The following PIGN variants were observed in gnomAD, a reference collection of about 807,000 sequenced individuals.
The protein encoded by PIGN is phosphatidylinositol glycan anchor biosynthesis class N.
In PIGN, 117 loss-of-function variants were observed where a neutral mutation model predicts 125.4. That is an observed-to-expected ratio of 0.93 (90% CI 0.80 to 1.09). The LOEUF is 1.09. Ranked by LOEUF, PIGN falls within the 50% of genes least tolerant of loss-of-function variation. The probability of loss-of-function intolerance (pLI) is 0.00; values close to 1 mark genes in which losing one functional copy is unlikely to be tolerated. For missense variants in PIGN, 1,075 were observed against 1,094.9 expected, an observed-to-expected ratio of 0.98 and a Z score of 0.26; for synonymous variants, 392 against 377.8, an observed-to-expected ratio of 1.04 and a Z score of -0.44.
downstream of PIGN, among the ~76,000 whole-genome samples, chr18:62,039,117 A>G (rs1424690455): frequency 6.6e-6 from 1 of 152,012 alleles, no homozygotes; most frequent in East Asian, 1.9e-4. Context: ...CACCCCTTCA[A>G]TCCTCTGCTT....
chr18:62,153,974 C>T (rs564535865), intron 7 of PIGN: 2 of 152,126 alleles, frequency 1.3e-5, no homozygotes, highest in South Asian at 4.1e-4. Context: ...TTTTCACACA[C>T]TTTTTGAGAA....
chr18:62,140,771 G>A lies in PIGN; in HGVS notation c.964-292C>T, dbSNP rs952415912. Among the ~76,000 whole-genome samples, 10 of 152,212 alleles carry A rather than the reference G, an allele frequency of 6.6e-5. 1 individual carries two copies. Among genetic ancestry groups the A allele is most frequent in the East Asian group, 5.8e-4 (3 of 5,184 alleles). On this transcript the variant is annotated intron_variant, in intron 11 of 30. Transcript: ENST00000640252. ...AAGAATTTGACCATTTTATGTAACAGTTTTTCAGTATTATACAAAGGATGC... is the reference window on the plus strand; with the variant it reads ...AAGAATTTGACCATTTTATGTAACAATTTTTCAGTATTATACAAAGGATGC...
intron 26 of PIGN, 31 bp downstream of exon 26, chr18:62,085,176 TTA>T (rs755317812): frequency 4.0e-5 from 48 of 1,193,802 alleles, no homozygotes; most frequent in Non-Finnish European, 5.2e-5. Flanking sequence ...TATTTTTTAG[TTA>T]TATATATATG....
chr18:62,093,265 C>T (rs1482406249), intron 23 of PIGN, among the ~76,000 whole-genome samples: 2 of 152,036 alleles, frequency 1.3e-5, no homozygotes, highest in African/African-American at 4.8e-5. Flanking sequence ...AAAAACTATA[C>T]ATTATGATCA....
At position 62,157,127 on chromosome 18, in the gene PIGN, A is replaced by G; in HGVS notation, c.442+2T>C. 1 of 1,546,376 alleles carries G rather than the reference A, an allele frequency of 6.5e-7. No homozygotes were observed. Among genetic ancestry groups the G allele is most frequent in the East Asian group, 2.3e-5 (1 of 44,314 alleles). ...TGAGGAAACATAATCAGTGACTCTTACCTTTGGCAAACATAGGCAGGATAT... is the reference window on the plus strand; with the variant it reads ...TGAGGAAACATAATCAGTGACTCTTGCCTTTGGCAAACATAGGCAGGATAT... On this transcript the variant is annotated splice_donor_variant, in intron 6 of 30. Transcript: ENST00000640252. LOFTEE classifies it high-confidence loss of function.
intron 1 of PIGN, among the ~76,000 whole-genome samples, chr18:62,181,021 T>G (rs2037698674): frequency 6.6e-6 from 1 of 152,164 alleles, no homozygotes; most frequent in Admixed American, 6.5e-5. Flanking sequence ...ACAAAAATAA[T>G]TATTTGTATA....
chr18:62,133,691 G>A (rs990084177), intron 14 of PIGN, among the ~76,000 whole-genome samples: 1 of 151,546 alleles, frequency 6.6e-6, no homozygotes, highest in African/African-American at 2.4e-5. Flanking sequence ...TTTATTGCTG[G>A]GTATTTTATT....
intron 30 of PIGN, among the ~76,000 whole-genome samples, chr18:62,056,251 T>G (rs17062576): frequency 0.022 from 3,360 of 151,692 alleles, 105 homozygotes; most frequent in African/African-American, 0.057. Flanking sequence ...TTAAATGTAA[T>G]ACGGGCATTA....
intron 14 of PIGN, chr18:62,138,007 A>T: frequency 2.0e-6 from 1 of 492,744 alleles, no homozygotes; most frequent in African/African-American, 2.0e-5. Context: ...TCACCTGCTT[A>T]ATATTTCTCA....
At chr18:62,085,407 A>G in intron 25 of PIGN, 143 bp from the exon 26 acceptor site, 1 of 654,944 alleles carries the variant, frequency 1.5e-6, no homozygotes, top group Non-Finnish European at 2.7e-6. Context: ...ACATTCCATT[A>G]TAACTCCTTG....
chr18:62,126,882 T>C (rs1389039124), intron 14 of PIGN, among the ~76,000 whole-genome samples: 1 of 152,194 alleles, frequency 6.6e-6, no homozygotes, highest in African/African-American at 2.4e-5. Context: ...TAGTAAATCA[T>C]AATATATGTC....
At position 62,138,303 on chromosome 18, in the gene PIGN, G is replaced by A. The variant is rs747229315; in HGVS notation, c.1117-5C>T. On this transcript the variant is annotated splice_polypyrimidine_tract_variant and splice_region_variant and intron_variant, in intron 13 of 30. Transcript: ENST00000640252. ...TTTCTTCTGAGTCATTTTCACCTGG[G>A]AACCAAGTATGAAAATATTACAAAT... 52 of 1,536,014 alleles carry A rather than the reference G, an allele frequency of 3.4e-5. No homozygotes were observed. In the Admixed American group the frequency reaches 1.0e-3, roughly 30 times the overall value.
intron 30 of PIGN, 112 bp from the exon 31 acceptor site, chr18:62,046,091 T>C (rs958817908): frequency 2.7e-6 from 3 of 1,091,122 alleles, no homozygotes; most frequent in Non-Finnish European, 3.9e-6. Context: ...TTTCAGGAGC[T>C]GGAGTGGGTG....
At chr18:62,066,883 T>C (rs189757463) in intron 30 of PIGN, among the ~76,000 whole-genome samples, 3 of 152,354 alleles carry the variant, frequency 2.0e-5, no homozygotes, top group Admixed American at 6.5e-5. Context: ...AATGAAAATA[T>C]AATCTCCCTC....
chr18:62,124,451 G>A (rs961027998), intron 14 of PIGN, among the ~76,000 whole-genome samples: 8 of 152,148 alleles, frequency 5.3e-5, no homozygotes, highest in Non-Finnish European at 8.8e-5. Context: ...AGTTTTAGCT[G>A]TAAATCTCAC....
intron 1 of PIGN, among the ~76,000 whole-genome samples, chr18:62,167,752 T>C (rs2147765852): frequency 6.6e-6 from 1 of 152,164 alleles, no homozygotes; most frequent in East Asian, 1.9e-4. Context: ...TAACTTATTG[T>C]AGATAATATA....
chr18:62,101,883 C>T (rs2034450709), intron 21 of PIGN, among the ~76,000 whole-genome samples: 1 of 152,110 alleles, frequency 6.6e-6, no homozygotes, highest in African/African-American at 2.4e-5. Flanking sequence ...TAGACTATCA[C>T]ATGATATGAT....
chr18:62,039,747 T>G (rs2030319443), downstream of PIGN, among the ~76,000 whole-genome samples: 1 of 80,940 alleles, frequency 1.2e-5, no homozygotes, highest in African/African-American at 3.8e-5. Context: ...TAGGGCCCCA[T>G]CCAGGGTGCC....
intron 30 of PIGN, among the ~76,000 whole-genome samples, chr18:62,065,714 T>C (rs766726353): frequency 5.9e-5 from 9 of 151,910 alleles, no homozygotes; most frequent in Non-Finnish European, 1.0e-4. Context: ...CCAGCCTGGG[T>C]GACAGAGCGA....
Sources: allele counts gnomAD v4.1 joint callset (sites outside exome capture counted in the v4.1 genomes callset), GRCh38; gene constraint gnomAD v4.1.1; transcripts MANE v1.5; gene names NCBI Gene and HGNC (gene_info 2026-07-23, HGNC 2026-07-21).